PDE10A: variants seen among roughly 807,000 people sequenced by gnomAD.
PDE10A encodes the protein phosphodiesterase 10A.
A neutral mutation model predicts 97.7 loss-of-function variants in PDE10A; 39 were observed. The observed-to-expected ratio is 0.40, with a 90% CI of 0.31 to 0.52. The LOEUF is 0.52. PDE10A is among the 20% of genes least tolerant of loss of function. PDE10A has a pLI of 0.56. For synonymous variants in PDE10A, 371 were observed against 376.8 expected (o/e 0.98, Z 0.18); for missense variants, 731 against 1,047.8 (o/e 0.70, Z 4.17).
chr6:165,736,186 T>G (rs907165214), intron 1 of PDE10A, among the ~76,000 whole-genome samples: 1 of 152,162 alleles, frequency 6.6e-6, no homozygotes, highest in African/African-American at 2.4e-5. Context: ...GCTGCAAACA[T>G]ATGAGTAAAT....
chr6:165,632,261 C>G (rs1788669738), intron 1 of PDE10A, among the ~76,000 whole-genome samples: 1 of 149,778 alleles, frequency 6.7e-6, no homozygotes, highest in Non-Finnish European at 1.5e-5. Flanking sequence ...GAATGAACAC[C>G]ACCCTTCACC....
chr6:165,391,593 A>G lies in PDE10A; in HGVS notation c.2454+1053T>C, dbSNP rs79892986. 9.8e-5 allele frequency among the ~76,000 whole-genome samples: 15 copies of G among 152,298 alleles called. No individual in the cohort carries two copies. In the East Asian group the frequency reaches 2.9e-3, roughly 29 times the overall value. ...AACAAATGAAAAAAGGAGAGATTTC[A>G]TGTGGATCTTTCGCGGGGAGGTGAT... On this transcript the variant is annotated intron_variant, in intron 16 of 21. Transcript: ENST00000539869.
rs1256464703 is a variant in PDE10A at position 165,901,042 on chromosome 6, C to T, written c.-615+86487G>A. On this transcript the variant is annotated intron_variant, in intron 1 of 19. Coordinates refer to the PDE10A transcript ENST00000366882. ...AGAGCCCAGGCTGCGTGGGATGAAG[C>T]ACTGTAGACAGCAGCACGTTCCACC... Among the ~76,000 whole-genome samples the T allele has an allele frequency of 2.0e-5, 3 of 152,322 alleles. No homozygotes were observed. In the East Asian group the frequency reaches 5.8e-4, roughly 29 times the overall value.
At chr6:165,657,624 C>T (rs1385935512) in intron 1 of PDE10A, among the ~76,000 whole-genome samples, 2 of 152,214 alleles carry the variant, frequency 1.3e-5, no homozygotes, top group Non-Finnish European at 2.9e-5. Context: ...GTTTTACATG[C>T]AGAAATGATC....
At chr6:165,923,936 A>T (rs1024940292) in intron 1 of PDE10A, among the ~76,000 whole-genome samples, 1 of 152,218 alleles carries the variant, frequency 6.6e-6, no homozygotes, top group South Asian at 2.1e-4. Flanking sequence ...ATCCCAACAC[A>T]TTGGGAAACA....
intron 1 of PDE10A, among the ~76,000 whole-genome samples, chr6:165,812,296 A>G (rs1779304253): frequency 6.6e-6 from 1 of 152,228 alleles, no homozygotes; most frequent in South Asian, 2.1e-4. Flanking sequence ...GTATTTTTAA[A>G]AGGATAATAT....
intron 1 of PDE10A, among the ~76,000 whole-genome samples, chr6:165,912,138 A>G (rs954855098): frequency 1.3e-5 from 2 of 151,862 alleles, no homozygotes; most frequent in Non-Finnish European, 2.9e-5. Context: ...TCTATAACCT[A>G]TTATCTATCT....
At chr6:165,761,452 C>G (rs1175511397) in intron 1 of PDE10A, among the ~76,000 whole-genome samples, 1 of 152,032 alleles carries the variant, frequency 6.6e-6, no homozygotes, top group Non-Finnish European at 1.5e-5. Flanking sequence ...CCATGCGGGT[C>G]ACCCACAAGA....
chr6:165,349,293 AT>A, intron 18 of PDE10A, among the ~76,000 whole-genome samples: 1 of 152,310 alleles, frequency 6.6e-6, no homozygotes, highest in Non-Finnish European at 1.5e-5. Flanking sequence ...GATAAGGACA[AT>A]GAAGTCCAGG....
intron 1 of PDE10A, among the ~76,000 whole-genome samples, chr6:165,674,176 G>C (rs573409020): frequency 6.6e-6 from 1 of 152,150 alleles, no homozygotes; most frequent in South Asian, 2.1e-4. Context: ...ACAAAATATA[G>C]ACTTTTGCCG....
At chr6:165,399,733 T>C (rs6455999) in intron 13 of PDE10A, among the ~76,000 whole-genome samples, 36,289 of 152,074 alleles carry the variant, frequency 0.24, 6,619 homozygotes, top group African/African-American at 0.51. Context: ...GCTTCATCCA[T>C]GTCCCTACAA....
At chr6:165,381,981 T>C (rs1369916375) in intron 17 of PDE10A, among the ~76,000 whole-genome samples, 1 of 152,136 alleles carries the variant, frequency 6.6e-6, no homozygotes, top group Non-Finnish European at 1.5e-5. Context: ...TTTACTATAG[T>C]TACATAGTTT....
intron 3 of PDE10A, among the ~76,000 whole-genome samples, chr6:165,471,625 G>C (rs1478672304): frequency 1.3e-5 from 2 of 151,996 alleles, no homozygotes; most frequent in African/African-American, 4.8e-5. Flanking sequence ...CCTTCCATTG[G>C]CTCAGGCAAA....
chr6:165,335,983 A>G (rs1583057980), intron 21 of PDE10A, 140 bp downstream of exon 21: 1 of 712,854 alleles, frequency 1.4e-6, no homozygotes, highest in South Asian at 1.6e-5. Context: ...CCAGGTAAGG[A>G]GGCCCCGAGT....
chr6:165,709,969 C>T (rs948427711), intron 1 of PDE10A, among the ~76,000 whole-genome samples: 8 of 152,102 alleles, frequency 5.3e-5, no homozygotes, highest in African/African-American at 1.9e-4. Flanking sequence ...ATCCCTGTGA[C>T]GGCCTCACCT....
intron 18 of PDE10A, among the ~76,000 whole-genome samples, chr6:165,364,830 T>C (rs948661826): frequency 6.6e-6 from 1 of 152,144 alleles, no homozygotes; most frequent in African/African-American, 2.4e-5. Context: ...ACATCCAAAG[T>C]ATTTCGAAAT....
intron 2 of PDE10A, among the ~76,000 whole-genome samples, chr6:165,520,751 G>A (rs1562543430): frequency 6.6e-6 from 1 of 152,104 alleles, no homozygotes; most frequent in Non-Finnish European, 1.5e-5. Context: ...AGTTGGCCAG[G>A]AATTAAGAAA....
At chr6:165,522,539 T>C (rs1782193030) in intron 2 of PDE10A, among the ~76,000 whole-genome samples, 1 of 151,834 alleles carries the variant, frequency 6.6e-6, no homozygotes, top group South Asian at 2.1e-4. Context: ...TCAATAAACA[T>C]ACAGAAAAGT....
At chr6:165,706,591 C>G (rs1458776077) in intron 1 of PDE10A, among the ~76,000 whole-genome samples, 2 of 152,208 alleles carry the variant, frequency 1.3e-5, no homozygotes, top group African/African-American at 2.4e-5. Flanking sequence ...TCAGTGTTAA[C>G]ATTTTCTCCT....
Sources: allele counts gnomAD v4.1 joint callset (sites outside exome capture counted in the v4.1 genomes callset), GRCh38; gene constraint gnomAD v4.1.1; transcripts MANE v1.5; gene names NCBI Gene and HGNC (gene_info 2026-07-23, HGNC 2026-07-21).